Variants in IQGAP2 observed in about 807,000 individuals in gnomAD.
IQGAP2 encodes the protein IQ motif containing GTPase activating protein 2.
In IQGAP2, 173 loss-of-function variants were observed where a neutral mutation model predicts 201.3. That is an observed-to-expected ratio of 0.86 (90% CI 0.76 to 0.98). The LOEUF is 0.98. Ranked by LOEUF, IQGAP2 falls within the 50% of genes least tolerant of loss-of-function variation. The pLI is 0.00. For synonymous variants in IQGAP2, 675 were observed against 673.9 expected (o/e 1.00, Z -0.03); for missense variants, 1,687 against 1,864.8 (o/e 0.90, Z 1.76).
At chr5:76,510,790 C>T (rs1580352945) in intron 2 of IQGAP2, 6 of 455,044 alleles carry the variant, frequency 1.3e-5, no homozygotes, top group African/African-American at 2.0e-5. Context: ...GGCACCTGCC[C>T]CCACCTCCAA....
chr5:76,630,058 A>G (rs1204775292), intron 14 of IQGAP2, among the ~76,000 whole-genome samples: 1 of 152,026 alleles, frequency 6.6e-6, no homozygotes. Flanking sequence ...CTTAGGCAAA[A>G]CTCTATTATC....
chr5:76,544,265 C>T (rs1323613731), intron 2 of IQGAP2, among the ~76,000 whole-genome samples: 1 of 152,128 alleles, frequency 6.6e-6, no homozygotes, highest in African/African-American at 2.4e-5. Context: ...CCTTCTTTGT[C>T]AAGGAGTAAA....
intron 2 of IQGAP2, among the ~76,000 whole-genome samples, chr5:76,555,322 CCA>C (rs1450613256): frequency 1.3e-5 from 2 of 152,134 alleles, no homozygotes; most frequent in Admixed American, 6.5e-5. Context: ...AGATGTTAAA[CCA>C]CACACAGTCA....
At chr5:76,443,065 T>C (rs1461657615) in intron 1 of IQGAP2, among the ~76,000 whole-genome samples, 1 of 152,168 alleles carries the variant, frequency 6.6e-6, no homozygotes, top group Non-Finnish European at 1.5e-5. Flanking sequence ...TGCTCAAATC[T>C]AAAGGGACAT....
Position 76,637,081 on chromosome 5 carries a change from G to A in IQGAP2, c.1828G>A (p.Asp610Asn). The A allele has an allele frequency of 6.2e-7, 1 of 1,611,508 alleles. No homozygotes were observed. Among genetic ancestry groups the A allele is most frequent in the Non-Finnish European group, 8.5e-7 (1 of 1,178,284 alleles). The change falls in exon 16 of 36, where the codon GAC (aspartate) becomes AAC (asparagine). Residue 610 changes from aspartate (D) to asparagine (N), a missense_variant. By Grantham distance (23) the Asp-to-Asn change is conservative. Transcript: ENST00000274364. Reference sequence around the variant, plus strand: ...CAAACTCAACCTGCACAAAAAATATGACTACTATTACAACACTGATTCAAA... The same window carrying A: ...CAAACTCAACCTGCACAAAAAATATAACTACTATTACAACACTGATTCAAA... ...WLKLNLHKKY[D>N]YYYNTDSKES...
intron 23 of IQGAP2, among the ~76,000 whole-genome samples, chr5:76,669,810 G>A (rs1744129975): frequency 6.6e-6 from 1 of 152,144 alleles, no homozygotes; most frequent in Non-Finnish European, 1.5e-5. Flanking sequence ...AGGCCCAGCT[G>A]TTAAGGCTCT....
At position 76,461,080 on chromosome 5, in the gene IQGAP2, G is replaced by A. The variant is rs538700268; in HGVS notation, c.47-490G>A. Among the ~76,000 whole-genome samples, 4 of 151,830 alleles carry A rather than the reference G, an allele frequency of 2.6e-5. No individual in the cohort carries two copies. In the South Asian group the frequency reaches 6.2e-4, roughly 24 times the overall value. On this transcript the variant is annotated intron_variant, in intron 1 of 35. Transcript: ENST00000274364. ...TTTTTAGTAGAGATGGGGTTTCACC[G>A]TGTTAGCCAGGATGGTCTGGATCTC... is the stretch of plus-strand genomic sequence containing the variant.
chr5:76,512,146 G>A (rs919923071), intron 2 of IQGAP2, among the ~76,000 whole-genome samples: 2 of 152,156 alleles, frequency 1.3e-5, no homozygotes, highest in African/African-American at 4.8e-5. Flanking sequence ...GTGTGTCAGA[G>A]TTTGAAAGAC....
intron 15 of IQGAP2, 98 bp from the exon 16 acceptor site, chr5:76,636,936 T>G: frequency 9.7e-7 from 1 of 1,030,734 alleles, no homozygotes; most frequent in Admixed American, 2.9e-5. Flanking sequence ...GAAGGTTTGG[T>G]GAAAAACATA....
intron 17 of IQGAP2, among the ~76,000 whole-genome samples, chr5:76,647,903 GCCTGGACTTCCACCCT>G (rs1393790979): frequency 1.3e-5 from 2 of 152,026 alleles, no homozygotes; most frequent in Non-Finnish European, 2.9e-5. Flanking sequence ...TGAATGGCGA[GCCTGGACTTCCACCCT>G]CCTGGACTGT....
chr5:76,417,789 C>T (rs1751495823), intron 1 of IQGAP2, among the ~76,000 whole-genome samples: 1 of 151,876 alleles, frequency 6.6e-6, no homozygotes. Context: ...GCCATGTTGC[C>T]CAGGCTGGTC....
At chr5:76,677,507 A>C in intron 28 of IQGAP2, 157 bp downstream of exon 28, 1 of 508,536 alleles carries the variant, frequency 2.0e-6, no homozygotes, top group East Asian at 3.4e-5. Context: ...CATGACTCTT[A>C]TACATTAATA....
At chr5:76,687,553 G>A (rs1016313636) in intron 30 of IQGAP2, among the ~76,000 whole-genome samples, 5 of 151,284 alleles carry the variant, frequency 3.3e-5, no homozygotes, top group African/African-American at 1.2e-4. Flanking sequence ...TTAGGAACCA[G>A]GCGACACAGC....
chr5:76,693,540 G>A (rs1323952388), intron 31 of IQGAP2, 98 bp downstream of exon 31: 2 of 806,810 alleles, frequency 2.5e-6, no homozygotes, highest in African/African-American at 3.5e-5. Flanking sequence ...AACTGTATCT[G>A]ACATGGTCCG....
rs1351523117 is a variant in IQGAP2 at position 76,600,966 on chromosome 5, T to TGGAACGGTAA, written c.1232_1232+9dup. The TGGAACGGTAA allele has an allele frequency of 1.2e-6, 2 of 1,612,814 alleles. No individual in the cohort carries two copies. Among genetic ancestry groups the TGGAACGGTAA allele is most frequent in the East Asian group, 4.5e-5 (2 of 44,846 alleles). ...TTAAACAATCTGGACAAGGCATATG[T>TGGAACGGTAA]GGAACGGTAAGGAACATTTTCCAAA... On this transcript the variant is annotated stop_gained and frameshift_variant, in exon 11 of 36. Coordinates refer to ENST00000274364, the MANE Select transcript of IQGAP2 (RefSeq NM_006633.5). LOFTEE classifies it high-confidence loss of function.
At position 76,701,161 on chromosome 5, in the gene IQGAP2, A is replaced by G. The variant is rs771314929; in HGVS notation, c.4453A>G (p.Lys1485Glu). 7 of 1,613,234 alleles carry G rather than the reference A, an allele frequency of 4.3e-6. No individual in the cohort carries two copies. The South Asian group carries it at 7.7e-5, about 18-fold the overall frequency. ...RAKPVKYTAA[K>E]LHEKGVLLDI... ...GAAGCCAGTGAAGTACACTGCAGCA[A>G]AGCTGCATGAGAAAGGTGTCCTGCT... is the stretch of plus-strand genomic sequence containing the variant. Residue 1485 changes from lysine to glutamate, a missense_variant, in exon 34 of 36, where the codon AAG (lysine) becomes GAG (glutamate). Lys to Glu is a moderately conservative substitution (Grantham distance 56). Transcript: ENST00000274364.
intron 2 of IQGAP2, among the ~76,000 whole-genome samples, chr5:76,505,762 T>C (rs956535209): frequency 2.6e-5 from 4 of 152,202 alleles, no homozygotes; most frequent in Non-Finnish European, 5.9e-5. Context: ...TCTACTCTTT[T>C]GGTTCTTGTC....
chr5:76,665,126 AGAG>A lies in IQGAP2; in HGVS notation c.2634_2636del (p.Arg879del). 2 of 1,613,376 alleles carry A rather than the reference AGAG, an allele frequency of 1.2e-6. No individual in the cohort carries two copies. Among genetic ancestry groups the A allele is most frequent in the Non-Finnish European group, 1.7e-6 (2 of 1,179,346 alleles). ...CAAGGAATAAAAAGTTTGAGTAAGG[AGAG>A]GAGAAAAACACTAGAAACATATCAG... On this transcript the variant is annotated inframe_deletion, in exon 22 of 36. Transcript: ENST00000274364.
At chr5:76,413,082 T>TG (rs1230627203) in intron 1 of IQGAP2, among the ~76,000 whole-genome samples, 3 of 151,910 alleles carry the variant, frequency 2.0e-5, no homozygotes, top group African/African-American at 7.3e-5. Context: ...TCTACCTCCT[T>TG]GCCTGTTCTT....
Sources: allele counts gnomAD v4.1 joint callset (sites outside exome capture counted in the v4.1 genomes callset), GRCh38; gene constraint gnomAD v4.1.1; transcripts MANE v1.5; gene names NCBI Gene and HGNC (gene_info 2026-07-23, HGNC 2026-07-21).